TRIB2: variants seen among roughly 807,000 people sequenced by gnomAD.
The protein encoded by TRIB2 is tribbles pseudokinase 2.
TRIB2 carries 2 observed loss-of-function variants against 26.8 expected under a neutral mutation model. That is an observed-to-expected ratio of 0.07 (90% CI 0.03 to 0.24). TRIB2 has a LOEUF of 0.24. Among genes scored for constraint, TRIB2 ranks in the 10% least tolerant of loss-of-function variants. The probability of loss-of-function intolerance (pLI) is 1.00; values close to 1 mark genes in which losing one functional copy is unlikely to be tolerated. For synonymous variants in TRIB2, 189 were observed against 187.3 expected, an observed-to-expected ratio of 1.01 and a Z score of -0.08; for missense variants, 306 against 449.0, an observed-to-expected ratio of 0.68 and a Z score of 2.88.
rs151026226 is a variant in TRIB2 at position 12,736,178 on chromosome 2, G to C, written c.564-4148G>C. On this transcript the variant is annotated intron_variant, in intron 2 of 2. Coordinates refer to ENST00000155926, the MANE Select transcript of TRIB2 (RefSeq NM_021643.4). ...CCTGGAAGGGGATAGGAATGGAAAA[G>C]GGCCTCAGATTTGGTCAGAGATGCG... 4.1e-3 allele frequency among the ~76,000 whole-genome samples: 617 copies of C among 152,242 alleles called. 5 individuals are homozygous for C. The highest frequency in any genetic ancestry group is 0.014 in the African/African-American group (592 of 41,526).
chr2:12,718,605 CT>C lies in TRIB2; in HGVS notation c.270+31del, dbSNP rs762464840. 6 of 1,601,536 alleles carry C rather than the reference CT, an allele frequency of 3.7e-6. No homozygotes were observed. The highest frequency in any genetic ancestry group is 5.1e-6 in the Non-Finnish European group (6 of 1,170,090). On this transcript the variant is annotated intron_variant, in intron 1 of 2. Transcript: ENST00000155926. The surrounding 1 kb of genome is among the most constrained non-coding windows in gnomAD (Gnocchi z 4.0). ...AAAGGGCCAGTGGGTTGCTTTTTGT[CT>C]TTGGAAGGGGCCCGAGGGAGCGGGA...
At chr2:12,720,176 CA>C (rs2103248841) in intron 1 of TRIB2, among the ~76,000 whole-genome samples, 1 of 152,358 alleles carries the variant, frequency 6.6e-6, no homozygotes, top group South Asian at 2.1e-4. Context: ...TGTTTAAAAT[CA>C]GAGGTGACTC....
At chr2:12,719,808 G>A (rs1572477047) in intron 1 of TRIB2, among the ~76,000 whole-genome samples, 1 of 152,196 alleles carries the variant, frequency 6.6e-6, no homozygotes, top group Non-Finnish European at 1.5e-5. Context: ...CCCTTAGGGG[G>A]AAATCGGAGA....
chr2:12,739,796 A>C (rs1366778784), intron 2 of TRIB2, among the ~76,000 whole-genome samples: 1 of 152,216 alleles, frequency 6.6e-6, no homozygotes, highest in Non-Finnish European at 1.5e-5. Context: ...GGATGTTAAT[A>C]TCCTACGTGT....
chr2:12,727,934 C>T (rs1264829293), intron 2 of TRIB2, among the ~76,000 whole-genome samples: 1 of 152,152 alleles, frequency 6.6e-6, no homozygotes, highest in African/African-American at 2.4e-5. Context: ...TCCGCCTCCC[C>T]CTCTCTGCTG....
At position 12,722,000 on chromosome 2, in the gene TRIB2, C is replaced by A. The variant is rs544444001; in HGVS notation, c.271-1260C>A. 4.6e-5 allele frequency among the ~76,000 whole-genome samples: 7 copies of A among 152,110 alleles called. No individual in the cohort carries two copies. In the East Asian group the frequency reaches 1.2e-3, roughly 25 times the overall value. ...TATCAGATTTTATGTGACATCAGGA[C>A]CCAAAAAAGGTTAACACTGTTCTAA... On this transcript the variant is annotated intron_variant, in intron 1 of 2. Coordinates refer to ENST00000155926, the MANE Select transcript of TRIB2 (RefSeq NM_021643.4).
At chr2:12,724,618 C>T (rs146318511) in intron 2 of TRIB2, 1 of 1,609,936 alleles carries the variant, frequency 6.2e-7, no homozygotes, top group Non-Finnish European at 8.5e-7. Context: ...TACCTTTTCT[C>T]TTCCGCTCAG....
chr2:12,723,286 A>G lies in TRIB2; in HGVS notation c.297A>G (p.Glu99=). ...TGTTTGATATCAGCTGCTACCAGGA[A>G]TCCCTGGCACCGTGCTTTTGCCTGT... ...CKVFDISCYQ[E]SLAPCFCLSA... Residue 99 remains glutamate, a synonymous_variant, in exon 2 of 3, where the codon GAA becomes GAG. Transcript: ENST00000155926. 1 of 1,613,972 alleles carries G rather than the reference A, an allele frequency of 6.2e-7. No homozygotes were observed. Among genetic ancestry groups the G allele is most frequent in the Non-Finnish European group, 8.5e-7 (1 of 1,179,994 alleles).
chr2:12,733,498 A>T (rs1661500412), intron 2 of TRIB2, among the ~76,000 whole-genome samples: 1 of 152,224 alleles, frequency 6.6e-6, no homozygotes, highest in Non-Finnish European at 1.5e-5. Context: ...TGTATGGCCT[A>T]GGGCATTTAA....
At position 12,726,383 on chromosome 2, in the gene TRIB2, C is replaced by G. The variant is rs559877325; in HGVS notation, c.563+2831C>G. Reference sequence around the variant, plus strand: ...GCAGCATTGAGTTTCATGGCAGATTCTCTTTTATTTGGCCTGCATGGTGGC... The same window carrying G: ...GCAGCATTGAGTTTCATGGCAGATTGTCTTTTATTTGGCCTGCATGGTGGC... On this transcript the variant is annotated intron_variant, in intron 2 of 2. Transcript: ENST00000155926. Among the ~76,000 whole-genome samples, 7 of 152,288 alleles carry G rather than the reference C, an allele frequency of 4.6e-5. No homozygotes were observed. The South Asian group carries it at 1.5e-3, about 32-fold the overall frequency.
intron 2 of TRIB2, among the ~76,000 whole-genome samples, chr2:12,737,819 T>C (rs1046080105): frequency 6.6e-6 from 1 of 152,214 alleles, no homozygotes. Flanking sequence ...TGGTTTAAGA[T>C]GGTACATGTT....
Position 12,741,090 on chromosome 2 carries a change from A to C in TRIB2, c.*296A>C. On this transcript the variant is annotated 3_prime_UTR_variant, in exon 3 of 3. Coordinates refer to ENST00000155926, the MANE Select transcript of TRIB2 (RefSeq NM_021643.4). Reference sequence around the variant, plus strand: ...GCCACTTCCGCCTACCCCACTTTTCATTTTGTTCCAAAATAGTTGCAGATC... The same window carrying C: ...GCCACTTCCGCCTACCCCACTTTTCCTTTTGTTCCAAAATAGTTGCAGATC... 1 of 341,294 alleles carries C rather than the reference A, an allele frequency of 2.9e-6. No individual in the cohort carries two copies. Among genetic ancestry groups the C allele is most frequent in the Non-Finnish European group, 5.4e-6 (1 of 185,518 alleles). The allele number at this position is 341,294 out of a possible 1,614,324, so 21.1% of individuals were successfully genotyped here.
At chr2:12,727,297 TC>T (rs1245369285) in intron 2 of TRIB2, among the ~76,000 whole-genome samples, 1 of 152,116 alleles carries the variant, frequency 6.6e-6, no homozygotes, top group African/African-American at 2.4e-5. Flanking sequence ...GGACAGCTGT[TC>T]CTAGAGTCAT....
At chr2:12,724,991 C>G (rs1661307178) in intron 2 of TRIB2, among the ~76,000 whole-genome samples, 1 of 152,212 alleles carries the variant, frequency 6.6e-6, no homozygotes, top group Non-Finnish European at 1.5e-5. Context: ...GTTTAATTCT[C>G]TCTCCCTATT....
Position 12,741,345 on chromosome 2 carries a change from T to A in TRIB2, c.*551T>A. On this transcript the variant is annotated 3_prime_UTR_variant, in exon 3 of 3. Coordinates refer to ENST00000155926, the MANE Select transcript of TRIB2 (RefSeq NM_021643.4). ...CAGTAAAAGAAAACAAAAGTCCAGT[T>A]TGTGTCTCTTAATCGCTCACTTCAA... The A allele has an allele frequency of 6.5e-6, 1 of 154,418 alleles. No individual in the cohort carries two copies. Among genetic ancestry groups the A allele is most frequent in the Non-Finnish European group, 1.4e-5 (1 of 69,234 alleles). 9.6% of individuals were successfully genotyped at this position (154,418 alleles called of 1,614,324 possible). A position where few individuals can be genotyped will look rare whatever the true frequency, so the allele number is the denominator to read the frequency against.
chr2:12,728,300 G>A (rs1177451322), intron 2 of TRIB2, among the ~76,000 whole-genome samples: 1 of 152,128 alleles, frequency 6.6e-6, no homozygotes, highest in Non-Finnish European at 1.5e-5. Flanking sequence ...ATCAGCAGAC[G>A]GGAGCTCCTG....
chr2:12,718,511 A>C lies in TRIB2; in HGVS notation c.204A>C (p.Glu68Asp). The C allele has an allele frequency of 1.2e-6, 2 of 1,613,984 alleles. No homozygotes were observed. The highest frequency in any genetic ancestry group is 1.7e-6 in the Non-Finnish European group (2 of 1,180,002). ...VSCIGKYLLL[E>D]PLEGDHVFRA... The stretch of plus-strand genomic sequence containing the variant: ...GTATCGGGAAATACTTATTGTTGGA[A>C]CCTCTGGAGGGAGACCACGTTTTTC... The change falls in exon 1 of 3, where the codon GAA becomes GAC. Residue 68 changes from glutamate to aspartate, a missense_variant. Glu to Asp is a conservative substitution (Grantham distance 45). This residue lies in a region of TRIB2 where 99 missense variants were observed against 106.5 expected (regional missense o/e 0.93). Coordinates refer to ENST00000155926, the MANE Select transcript of TRIB2 (RefSeq NM_021643.4). This position sits in a 1 kb window ranked among gnomAD's most constrained non-coding sequence, Gnocchi z 4.0.
rs1666646219 is a variant in TRIB2, at chr2:12,718,302, A to G, written c.-6A>G. 1 of 1,607,426 alleles carries G rather than the reference A, an allele frequency of 6.2e-7. No individual in the cohort carries two copies. The highest frequency in any genetic ancestry group is 8.5e-7 in the Non-Finnish European group (1 of 1,174,586). ...TTTTTGTTTGTCGTGTGCGATCCTC[A>G]CACTCATGAACATACACAGGTCTAC... On this transcript the variant is annotated 5_prime_UTR_variant, in exon 1 of 3. Coordinates refer to ENST00000155926, the MANE Select transcript of TRIB2 (RefSeq NM_021643.4). The surrounding 1 kb of genome is among the most constrained non-coding windows in gnomAD (Gnocchi z 4.0).
rs202169970 is a variant in TRIB2, at chr2:12,740,648, C to T, written c.886C>T (p.Arg296Trp). The T allele has an allele frequency of 1.2e-6, 2 of 1,614,200 alleles. No homozygotes were observed. The highest frequency in any genetic ancestry group is 2.2e-5 in the East Asian group (1 of 44,878). The change falls in exon 3 of 3, where the codon CGG becomes TGG. Residue 296 changes from arginine (R) to tryptophan (W), a missense_variant. Physicochemically the swap from Arg to Trp is moderately radical, Grantham distance 101 (BLOSUM62 -3). Coordinates refer to ENST00000155926, the MANE Select transcript of TRIB2 (RefSeq NM_021643.4). The surrounding 1 kb of genome is among the most constrained non-coding windows in gnomAD (Gnocchi z 5.8). ...CATTCTGCGTCGGGAGCCCTCAGAG[C>T]GGCTGACCTCGCAGGAAATTCTGGA... ...RSILRREPSE[R>W]LTSQEILDHP...
Sources: gnomAD v4.1 joint callset for allele counts (sites outside exome capture counted in the v4.1 genomes callset) on GRCh38, gnomAD v4.1.1 for gene constraint, gnomAD v4.1.1 regional missense constraint, Gnocchi (gnomAD v3.1) non-coding constraint, MANE v1.5 for transcripts, NCBI Gene and HGNC (gene_info 2026-07-23, HGNC 2026-07-21) for gene names.